GRIA4: variants seen among roughly 807,000 people sequenced by gnomAD.
The protein encoded by GRIA4 is glutamate ionotropic receptor AMPA type subunit 4.
In GRIA4, 34 loss-of-function variants were observed where a neutral mutation model predicts 104.0. The observed-to-expected ratio is 0.33, with a 90% CI of 0.25 to 0.44. The LOEUF is 0.44. GRIA4 is among the 20% of genes least tolerant of loss of function. The pLI is 1.00. For missense variants in GRIA4, 750 were observed against 1,096.5 expected (o/e 0.68, Z 4.46); for synonymous variants, 386 against 381.9 (o/e 1.01, Z -0.13).
At chr11:105,772,145 A>G (rs1565533961) in intron 4 of GRIA4, among the ~76,000 whole-genome samples, 1 of 152,130 alleles carries the variant, frequency 6.6e-6, no homozygotes, top group Non-Finnish European at 1.5e-5. Context: ...ATCTCTACCT[A>G]AACAGCACAA....
chr11:105,658,146 T>A (rs1951899221), intron 3 of GRIA4, among the ~76,000 whole-genome samples: 2 of 151,808 alleles, frequency 1.3e-5, no homozygotes, highest in Admixed American at 1.3e-4. Flanking sequence ...AAAAGATGTT[T>A]CAGTGTCTGG....
At chr11:105,693,196 T>C (rs979463205) in intron 3 of GRIA4, among the ~76,000 whole-genome samples, 1 of 152,176 alleles carries the variant, frequency 6.6e-6, no homozygotes, top group African/African-American at 2.4e-5. Flanking sequence ...AAAACATGAC[T>C]AATAAAGTTT....
intron 5 of GRIA4, among the ~76,000 whole-genome samples, chr11:105,875,363 G>A (rs960460681): frequency 7.9e-5 from 12 of 152,150 alleles, no homozygotes; most frequent in African/African-American, 2.9e-4. Flanking sequence ...AGGGATATTG[G>A]CCTGAAATTT....
chr11:105,860,692 G>T (rs1177971863), intron 4 of GRIA4, among the ~76,000 whole-genome samples: 1 of 152,062 alleles, frequency 6.6e-6, no homozygotes, highest in African/African-American at 2.4e-5. Context: ...TGGGTGCTGT[G>T]ACTCACGCCT....
chr11:105,622,220 G>A (rs1950766142), intron 3 of GRIA4, among the ~76,000 whole-genome samples: 1 of 151,084 alleles, frequency 6.6e-6, no homozygotes, highest in African/African-American at 2.4e-5. Flanking sequence ...GCATAAAAAA[G>A]GCATTCCTAG....
intron 3 of GRIA4, among the ~76,000 whole-genome samples, chr11:105,617,156 A>G (rs1950621188): frequency 6.7e-6 from 1 of 149,724 alleles, no homozygotes; most frequent in African/African-American, 2.4e-5. Flanking sequence ...TATTAGAGCA[A>G]TATTATTATT....
chr11:105,691,798 G>A (rs1953092722), intron 3 of GRIA4, among the ~76,000 whole-genome samples: 1 of 151,926 alleles, frequency 6.6e-6, no homozygotes, highest in Non-Finnish European at 1.5e-5. Flanking sequence ...AGCCGGGCAT[G>A]GTGGCAGGCG....
intron 3 of GRIA4, among the ~76,000 whole-genome samples, chr11:105,684,221 C>T (rs924411432): frequency 3.3e-5 from 5 of 151,878 alleles, no homozygotes; most frequent in Admixed American, 1.3e-4. Context: ...ATGTTTCAGG[C>T]GAAGACAAGT....
chr11:105,938,067 A>C (rs1948092133), intron 14 of GRIA4, among the ~76,000 whole-genome samples: 1 of 151,914 alleles, frequency 6.6e-6, no homozygotes, highest in Admixed American at 6.6e-5. Context: ...GCCTCATAAG[A>C]CACTTGGCCT....
intron 3 of GRIA4, among the ~76,000 whole-genome samples, chr11:105,696,342 T>C (rs1953277907): frequency 6.6e-6 from 1 of 152,204 alleles, no homozygotes; most frequent in Non-Finnish European, 1.5e-5. Flanking sequence ...AAGGGCGATG[T>C]CTTATTCTCA....
chr11:105,641,001 T>C (rs1591485739), intron 3 of GRIA4, among the ~76,000 whole-genome samples: 1 of 152,206 alleles, frequency 6.6e-6, no homozygotes, highest in Non-Finnish European at 1.5e-5. Context: ...CTAATTATTA[T>C]TTTTTATGAT....
chr11:105,968,470 G>C (rs1010365701), intron 14 of GRIA4, among the ~76,000 whole-genome samples: 1 of 152,158 alleles, frequency 6.6e-6, no homozygotes, highest in African/African-American at 2.4e-5. Context: ...GCAGTAATTA[G>C]CATCCCCACT....
chr11:105,883,144 A>T (rs973436899), intron 5 of GRIA4, among the ~76,000 whole-genome samples: 1 of 152,168 alleles, frequency 6.6e-6, no homozygotes, highest in Non-Finnish European at 1.5e-5. Context: ...ACAAGAATCA[A>T]TTAGTCACTT....
rs1052476158 is a variant in GRIA4 at position 105,831,917 on chromosome 11, A to T, written c.488-30107A>T. ...GGCTCTGTACTTTCTAAATGGGGAC[A>T]CTGAGTAAATAGCAATGTAAAACCC... is the stretch of plus-strand genomic sequence containing the variant. On this transcript the variant is annotated intron_variant, in intron 4 of 16. Transcript: ENST00000282499. Among the ~76,000 whole-genome samples the T allele has an allele frequency of 2.6e-5, 4 of 152,046 alleles. 1 individual carries two copies. The highest frequency in any genetic ancestry group is 4.1e-4 in the South Asian group (2 of 4,826).
intron 3 of GRIA4, among the ~76,000 whole-genome samples, chr11:105,669,125 T>G (rs542857129): frequency 8.7e-4 from 132 of 152,110 alleles, no homozygotes; most frequent in African/African-American, 3.0e-3. Context: ...AAATCCTGCT[T>G]GTTTCTACCA....
intron 3 of GRIA4, among the ~76,000 whole-genome samples, chr11:105,630,010 G>C (rs1211660325): frequency 6.6e-6 from 1 of 152,154 alleles, no homozygotes; most frequent in Admixed American, 6.6e-5. Context: ...TTTCAATTCT[G>C]TATAAAAGAC....
intron 3 of GRIA4, among the ~76,000 whole-genome samples, chr11:105,634,141 G>A (rs1250172184): frequency 6.6e-6 from 1 of 152,004 alleles, no homozygotes; most frequent in African/African-American, 2.4e-5. Context: ...GAGGTCAGGA[G>A]TTCAGGACAA....
Position 105,926,747 on chromosome 11 carries a change from C to A in GRIA4, c.1854C>A (p.Leu618=). The change falls in exon 13 of 17, where the codon CTC becomes CTA. Residue 618 remains leucine, a synonymous_variant. Transcript: ENST00000282499. ...QQGCDISPRS[L]SGRIVGGVWW... is the part of the protein sequence containing the mutation. ...TTATTTTATCCATGTTTAGATCCCT[C>A]TCAGGTCGAATTGTTGGAGGTGTTT... The A allele has an allele frequency of 6.3e-7, 1 of 1,596,404 alleles. No individual in the cohort carries two copies. Among genetic ancestry groups the A allele is most frequent in the Non-Finnish European group, 8.6e-7 (1 of 1,164,288 alleles).
At chr11:105,976,510 T>C (rs73552649) in intron 16 of GRIA4, among the ~76,000 whole-genome samples, 1 of 151,986 alleles carries the variant, frequency 6.6e-6, no homozygotes, top group Non-Finnish European at 1.5e-5. Flanking sequence ...GAAGCATTCA[T>C]TGGACATTTT....
Sources: gnomAD v4.1 joint callset for allele counts (sites outside exome capture counted in the v4.1 genomes callset) on GRCh38, gnomAD v4.1.1 for gene constraint, MANE v1.5 for transcripts, NCBI Gene and HGNC (gene_info 2026-07-23, HGNC 2026-07-21) for gene names.